KCND2: variants seen among roughly 807,000 people sequenced by gnomAD.
KCND2 encodes the protein potassium voltage-gated channel subfamily D member 2.
Under a neutral mutation model 54.4 loss-of-function variants are expected in KCND2, and 16 were observed. The observed-to-expected ratio is 0.29, with a 90% CI of 0.20 to 0.45. The LOEUF is 0.45. KCND2 is among the 20% of genes least tolerant of loss of function. The probability of loss-of-function intolerance (pLI) is 1.00; values close to 1 mark genes in which losing one functional copy is unlikely to be tolerated. For missense variants in KCND2, 486 were observed against 824.2 expected, an observed-to-expected ratio of 0.59 and a Z score of 5.02; for synonymous variants, 317 against 310.7, an observed-to-expected ratio of 1.02 and a Z score of -0.21.
intron 1 of KCND2, among the ~76,000 whole-genome samples, chr7:120,343,744 A>G (rs1288257757): frequency 1.3e-5 from 2 of 152,188 alleles, no homozygotes; most frequent in Non-Finnish European, 2.9e-5. Context: ...ATGCATTTAT[A>G]ATACTAAGTT....
chr7:120,287,989 G>C (rs117184810), intron 1 of KCND2, among the ~76,000 whole-genome samples: 1,655 of 152,218 alleles, frequency 0.011, 88 homozygotes, highest in Admixed American at 0.096. Flanking sequence ...ATCTTATCAC[G>C]TGCTAAGGTA....
intron 1 of KCND2, among the ~76,000 whole-genome samples, chr7:120,351,025 A>G (rs1800391562): frequency 6.6e-6 from 1 of 151,954 alleles, no homozygotes; most frequent in Non-Finnish European, 1.5e-5. Flanking sequence ...ACAGAGAATT[A>G]CTTAATCAAG....
chr7:120,578,916 T>TCACACACACACACACACACA (rs111758455), intron 1 of KCND2, among the ~76,000 whole-genome samples: 28 of 146,862 alleles, frequency 1.9e-4, no homozygotes, highest in African/African-American at 5.0e-4. Context: ...AGACCCTGTC[T>TCACACACACACACACACACA]CACACACACA....
At chr7:120,692,411 T>C (rs1792281010) in intron 1 of KCND2, among the ~76,000 whole-genome samples, 1 of 152,196 alleles carries the variant, frequency 6.6e-6, no homozygotes, top group Non-Finnish European at 1.5e-5. Context: ...ATTTTTCTCC[T>C]GCAAGTTTGT....
intron 1 of KCND2, among the ~76,000 whole-genome samples, chr7:120,638,901 T>G (rs1459425045): frequency 6.6e-6 from 1 of 152,164 alleles, no homozygotes; most frequent in Non-Finnish European, 1.5e-5. Context: ...ATGTGGTGTG[T>G]GTGTATGTTT....
intron 1 of KCND2, among the ~76,000 whole-genome samples, chr7:120,350,471 A>G (rs1156667792): frequency 6.6e-6 from 1 of 152,172 alleles, no homozygotes; most frequent in African/African-American, 2.4e-5. Context: ...TAACTTTCAT[A>G]TCCTATGATT....
At chr7:120,720,220 G>C (rs906117738) in intron 1 of KCND2, among the ~76,000 whole-genome samples, 26 of 152,088 alleles carry the variant, frequency 1.7e-4, no homozygotes, top group African/African-American at 6.3e-4. Context: ...AAAACACAGA[G>C]TGACATGACA....
chr7:120,539,957 G>A (rs1223768730), intron 1 of KCND2, among the ~76,000 whole-genome samples: 1 of 152,250 alleles, frequency 6.6e-6, no homozygotes, highest in Non-Finnish European at 1.5e-5. Flanking sequence ...ACTCAATGAT[G>A]CCTGCCGTGC....
chr7:120,312,400 C>G (rs1332600282), intron 1 of KCND2, among the ~76,000 whole-genome samples: 7 of 151,826 alleles, frequency 4.6e-5, no homozygotes, highest in Non-Finnish European at 1.0e-4. Context: ...TGAGTATATA[C>G]CCAGTAATGC....
At chr7:120,583,786 G>C (rs543980578) in intron 1 of KCND2, among the ~76,000 whole-genome samples, 8 of 15,760 alleles carry the variant, frequency 5.1e-4, no homozygotes, top group Admixed American at 2.1e-3. Flanking sequence ...AGGAATTGTG[G>C]GGGGGGGGAC....
chr7:120,676,453 T>G (rs1792062996), intron 1 of KCND2, among the ~76,000 whole-genome samples: 1 of 152,202 alleles, frequency 6.6e-6, no homozygotes. Context: ...AGTTCCTAGC[T>G]GTCTTTAAAC....
intron 1 of KCND2, among the ~76,000 whole-genome samples, chr7:120,407,098 A>G (rs574549401): frequency 4.8e-4 from 73 of 152,074 alleles, no homozygotes; most frequent in African/African-American, 1.7e-3. Flanking sequence ...TCATGGCGCT[A>G]TGGTTGTATT....
chr7:120,652,399 G>T (rs1014282824), intron 1 of KCND2, among the ~76,000 whole-genome samples: 2 of 152,098 alleles, frequency 1.3e-5, no homozygotes, highest in African/African-American at 4.8e-5. Context: ...AGGGGACATG[G>T]ATCAGAGTAG....
chr7:120,683,369 C>A (rs1201943280), intron 1 of KCND2, among the ~76,000 whole-genome samples: 1 of 152,050 alleles, frequency 6.6e-6, no homozygotes, highest in Non-Finnish European at 1.5e-5. Flanking sequence ...ATCCTAGAGA[C>A]CCTGTTGTGT....
Position 120,363,457 on chromosome 7 carries a change from T to C in KCND2, c.1115+87710T>C, listed in dbSNP as rs189067735. 1.7e-3 allele frequency among the ~76,000 whole-genome samples: 255 copies of C among 152,226 alleles called. 2 individuals carry two copies. Among genetic ancestry groups the C allele is most frequent in the Non-Finnish European group, 5.0e-4 (34 of 67,996 alleles). ...CTTCCAATTTCCAGGAGAAACACCT[T>C]GCAGTTATCCTTGATTCCAAGCTCT... On this transcript the variant is annotated intron_variant, in intron 1 of 5. Transcript: ENST00000331113.
chr7:120,382,855 T>C (rs1800933580), intron 1 of KCND2, among the ~76,000 whole-genome samples: 1 of 151,856 alleles, frequency 6.6e-6, no homozygotes, highest in Non-Finnish European at 1.5e-5. Context: ...TATATTTTGG[T>C]TTTGATATGT....
At chr7:120,666,116 G>T (rs1408545001) in intron 1 of KCND2, among the ~76,000 whole-genome samples, 2 of 152,114 alleles carry the variant, frequency 1.3e-5, no homozygotes, top group East Asian at 3.9e-4. Flanking sequence ...ACATGTGAGT[G>T]CATCATGCCT....
intron 1 of KCND2, among the ~76,000 whole-genome samples, chr7:120,608,401 T>C (rs1792910049): frequency 6.6e-6 from 1 of 152,132 alleles, no homozygotes; most frequent in African/African-American, 2.4e-5. Context: ...AGTATCCTCA[T>C]TTTCAAGTAA....
At chr7:120,379,984 T>C (rs1800890793) in intron 1 of KCND2, among the ~76,000 whole-genome samples, 1 of 152,106 alleles carries the variant, frequency 6.6e-6, no homozygotes. Context: ...TGTTTGTTAC[T>C]ACAGTATAAC....
Sources: gnomAD v4.1 joint callset for allele counts (sites outside exome capture counted in the v4.1 genomes callset) on GRCh38, gnomAD v4.1.1 for gene constraint, MANE v1.5 for transcripts, NCBI Gene and HGNC (gene_info 2026-07-23, HGNC 2026-07-21) for gene names.